The following PRKN variants were observed in gnomAD, a reference collection of about 807,000 sequenced individuals.
PRKN encodes E3 ubiquitin-protein ligase parkin.
A neutral mutation model predicts 59.5 loss-of-function variants in PRKN; 56 were observed. That is an observed-to-expected ratio of 0.94 (90% CI 0.76 to 1.18). PRKN has a LOEUF of 1.18. PRKN is among the 50% of genes most tolerant of loss of function. PRKN has a pLI of 0.00. For synonymous variants in PRKN, 250 were observed against 222.1 expected, an observed-to-expected ratio of 1.13 and a Z score of -1.12; for missense variants, 657 against 596.4, an observed-to-expected ratio of 1.10 and a Z score of -1.06.
intron 6 of PRKN, among the ~76,000 whole-genome samples, chr6:161,845,112 C>T (rs1163697964): frequency 6.6e-6 from 1 of 152,186 alleles, no homozygotes; most frequent in Non-Finnish European, 1.5e-5. Context: ...TTCTCTCTGA[C>T]TGAAAATCAA....
At chr6:161,514,036 G>C (rs754091421) in intron 9 of PRKN, among the ~76,000 whole-genome samples, 1 of 151,770 alleles carries the variant, frequency 6.6e-6, no homozygotes, top group African/African-American at 2.4e-5. Context: ...CAGGAATTAC[G>C]ATCTTCTCAA....
At chr6:161,956,777 T>C (rs1583402900) in intron 6 of PRKN, among the ~76,000 whole-genome samples, 1 of 152,106 alleles carries the variant, frequency 6.6e-6, no homozygotes, top group African/African-American at 2.4e-5. Context: ...TAAAAACCAA[T>C]GTGTGTGATG....
intron 9 of PRKN, among the ~76,000 whole-genome samples, chr6:161,455,740 G>A (rs2115140863): frequency 6.6e-6 from 1 of 151,932 alleles, no homozygotes; most frequent in Admixed American, 6.6e-5. Context: ...GCACATGTCT[G>A]TAATCCCAGC....
At chr6:162,302,587 T>A (rs1393598429) in intron 2 of PRKN, among the ~76,000 whole-genome samples, 2 of 151,998 alleles carry the variant, frequency 1.3e-5, no homozygotes, top group East Asian at 3.9e-4. Flanking sequence ...ACCATAGGAA[T>A]TGAATTCTGC....
At chr6:162,561,268 T>C (rs1360835637) in intron 1 of PRKN, among the ~76,000 whole-genome samples, 1 of 152,148 alleles carries the variant, frequency 6.6e-6, no homozygotes, top group Non-Finnish European at 1.5e-5. Context: ...AATGCCATGG[T>C]CACATTTTTC....
intron 6 of PRKN, among the ~76,000 whole-genome samples, chr6:161,939,418 CAAAA>C (rs34604240): frequency 1.0e-4 from 4 of 39,594 alleles, no homozygotes; most frequent in Admixed American, 3.8e-4. Flanking sequence ...GACTCTGTCT[CAAAA>C]AAAAAAAAAA....
In PRKN at chr6:161,400,649, A is replaced by ATT. The variant is rs148970372; in HGVS notation, c.1084-13774_1084-13773dup. Among the ~76,000 whole-genome samples, 5 of 148,154 alleles carry ATT rather than the reference A, an allele frequency of 3.4e-5. No homozygotes were observed. The highest frequency in any genetic ancestry group is 2.0e-4 in the East Asian group (1 of 5,058). On this transcript the variant is annotated intron_variant, in intron 9 of 11. Coordinates refer to ENST00000366898, the MANE Select transcript of PRKN (RefSeq NM_004562.3). The surrounding 1 kb of genome is among the most constrained non-coding windows in gnomAD (Gnocchi z 4.2). Reference sequence around the variant, plus strand: ...CGTATTCTAAGACAAAGAAATTCAGATTTTTTTTTTTTCGAATAAAGGATG... The same window carrying ATT: ...CGTATTCTAAGACAAAGAAATTCAGATTTTTTTTTTTTTTCGAATAAAGGATG...
Position 161,393,741 on chromosome 6 carries a change from T to C in PRKN, c.1084-6864A>G, listed in dbSNP as rs1786620188. Among the ~76,000 whole-genome samples the C allele has an allele frequency of 1.3e-5, 2 of 151,210 alleles. No individual in the cohort carries two copies. The highest frequency in any genetic ancestry group is 1.5e-5 in the Non-Finnish European group (1 of 67,936). ...TGACCCTTAAAATAAGGCTTGATGA[T>C]GATCTCTCTATGGAAGCCAAGATTT... is the stretch of plus-strand genomic sequence containing the variant. On this transcript the variant is annotated intron_variant, in intron 9 of 11. Coordinates refer to ENST00000366898, the MANE Select transcript of PRKN (RefSeq NM_004562.3). The surrounding 1 kb of genome is among the most constrained non-coding windows in gnomAD (Gnocchi z 4.7).
Position 162,521,060 on chromosome 6 carries a change from A to G in PRKN, c.8-77587T>C, listed in dbSNP as rs1778063565. On this transcript the variant is annotated intron_variant, in intron 1 of 11. Transcript: ENST00000366898. ...TTTCCAGTTTGCAATATCCAGCTCT[A>G]TTTAAGAAAGGGCCTTAATGAATGC... is the stretch of plus-strand genomic sequence containing the variant. Among the ~76,000 whole-genome samples the G allele has an allele frequency of 2.6e-5, 4 of 152,162 alleles. No individual in the cohort carries two copies. In the South Asian group the frequency reaches 8.3e-4, roughly 31 times the overall value.
intron 7 of PRKN, among the ~76,000 whole-genome samples, chr6:161,689,538 T>C (rs1312614790): frequency 6.6e-6 from 1 of 152,160 alleles, no homozygotes; most frequent in Non-Finnish European, 1.5e-5. Context: ...CGCTGGGTCA[T>C]TGGGAACAGT....
At chr6:162,274,386 C>T (rs1188586414) in intron 2 of PRKN, among the ~76,000 whole-genome samples, 2 of 151,978 alleles carry the variant, frequency 1.3e-5, no homozygotes, top group Non-Finnish European at 2.9e-5. Flanking sequence ...CAGGGTTTTG[C>T]CATGTTGACC....
chr6:162,443,545 T>C, intron 1 of PRKN, 72 bp from the exon 2 acceptor site: 1 of 1,414,698 alleles, frequency 7.1e-7, no homozygotes. Flanking sequence ...GATAGCAACA[T>C]TTCTCAACCG....
rs1781439135 is a variant in PRKN, at chr6:161,584,039, G to A, written c.872-14623C>T. Among the ~76,000 whole-genome samples the A allele has an allele frequency of 6.6e-6, 1 of 152,124 alleles. No individual in the cohort carries two copies. ...CAAACTTAACACCACCAATCACAGTGAGGCCAATGTCCCCCAGTTTCCCAG... is the reference window on the plus strand; with the variant it reads ...CAAACTTAACACCACCAATCACAGTAAGGCCAATGTCCCCCAGTTTCCCAG... On this transcript the variant is annotated intron_variant, in intron 7 of 11. Transcript: ENST00000366898. The surrounding 1 kb of genome is among the most constrained non-coding windows in gnomAD (Gnocchi z 4.8).
At chr6:161,614,062 T>C (rs1372739020) in intron 7 of PRKN, among the ~76,000 whole-genome samples, 4 of 152,216 alleles carry the variant, frequency 2.6e-5, no homozygotes, top group African/African-American at 9.6e-5. Flanking sequence ...CTGTACTCCC[T>C]GCCTGCTTCA....
At chr6:162,348,552 A>G (rs1339710977) in intron 2 of PRKN, among the ~76,000 whole-genome samples, 2 of 152,216 alleles carry the variant, frequency 1.3e-5, no homozygotes, top group Non-Finnish European at 2.9e-5. Context: ...ATCCAAAGAA[A>G]GTAAATCAGA....
intron 5 of PRKN, among the ~76,000 whole-genome samples, chr6:161,998,326 G>A (rs937408057): frequency 6.6e-6 from 1 of 152,028 alleles, no homozygotes; most frequent in East Asian, 1.9e-4. Flanking sequence ...GCCAAGAAAC[G>A]CTTCATTTCT....
intron 2 of PRKN, among the ~76,000 whole-genome samples, chr6:162,339,735 T>G (rs1784073469): frequency 1.3e-5 from 2 of 151,978 alleles, no homozygotes; most frequent in Admixed American, 6.6e-5. Flanking sequence ...ATCGGATGGT[T>G]GCCGTGTCTG....
intron 7 of PRKN, among the ~76,000 whole-genome samples, chr6:161,754,210 G>A (rs181955976): frequency 3.1e-3 from 469 of 152,134 alleles, no homozygotes; most frequent in South Asian, 0.016. Context: ...AAGAGTAGGC[G>A]GGTGAGACAA....
At chr6:161,946,838 T>G (rs1426939235) in intron 6 of PRKN, among the ~76,000 whole-genome samples, 1 of 152,210 alleles carries the variant, frequency 6.6e-6, no homozygotes, top group South Asian at 2.1e-4. Flanking sequence ...TACAATGGAA[T>G]GTATACTCTG....
Sources: gnomAD v4.1 joint callset for allele counts (sites outside exome capture counted in the v4.1 genomes callset) on GRCh38, gnomAD v4.1.1 for gene constraint, Gnocchi (gnomAD v3.1) non-coding constraint, MANE v1.5 for transcripts, NCBI Gene and HGNC (gene_info 2026-07-23, HGNC 2026-07-21) for gene names.